The following SNTG1 variants were observed in gnomAD, a reference collection of about 807,000 sequenced individuals.
SNTG1 encodes the protein syntrophin gamma 1.
A neutral mutation model predicts 74.7 loss-of-function variants in SNTG1; 39 were observed. The observed-to-expected ratio is 0.52, with a 90% CI of 0.40 to 0.68. The LOEUF is 0.68. SNTG1 is among the 30% of genes least tolerant of loss of function. SNTG1 has a pLI of 0.00. For synonymous variants in SNTG1, 254 were observed against 217.1 expected (o/e 1.17, Z -1.49); for missense variants, 685 against 609.5 (o/e 1.12, Z -1.30).
intron 15 of SNTG1, among the ~76,000 whole-genome samples, chr8:50,675,038 T>C (rs2095303748): frequency 6.6e-6 from 1 of 152,126 alleles, no homozygotes; most frequent in Non-Finnish European, 1.5e-5. Context: ...GACTGTTTGT[T>C]ATGATTTCAG....
intron 1 of SNTG1, among the ~76,000 whole-genome samples, chr8:50,003,105 C>G (rs1431605436): frequency 6.6e-6 from 1 of 152,196 alleles, no homozygotes; most frequent in East Asian, 1.9e-4. Context: ...AGATAATAGG[C>G]AGTCATATCT....
chr8:50,316,425 T>A (rs2090321082), intron 2 of SNTG1, among the ~76,000 whole-genome samples: 2 of 152,216 alleles, frequency 1.3e-5, no homozygotes, highest in Admixed American at 6.5e-5. Flanking sequence ...GTGCCTTTAC[T>A]AATGTTACCA....
rs867933572 is a variant in SNTG1 at position 50,002,690 on chromosome 8, G to A, written c.-103+90459G>A. On this transcript the variant is annotated intron_variant, in intron 1 of 18. Transcript: ENST00000642720. ...TCCAAATCAGGTTGATATGAATGTT[G>A]CATAATAACAGAATAAAAGTTACCC... Among the ~76,000 whole-genome samples the A allele has an allele frequency of 1.4e-4, 21 of 152,132 alleles. No homozygotes were observed. In the Middle Eastern group the frequency reaches 0.01, roughly 74 times the overall value.
chr8:50,056,140 T>G lies in SNTG1; in HGVS notation c.-102-116421T>G, dbSNP rs957363906. Among the ~76,000 whole-genome samples the G allele has an allele frequency of 2.6e-5, 4 of 152,260 alleles. No individual in the cohort carries two copies. The East Asian group carries it at 7.8e-4, about 30-fold the overall frequency. On this transcript the variant is annotated intron_variant, in intron 1 of 18. Transcript: ENST00000642720. ...AAAACATGAATTTCTATCAGCCTCA[T>G]GACCTTCTTGTTTCCCCGGTACTCC...
chr8:50,204,280 G>A (rs1036604734), intron 2 of SNTG1, among the ~76,000 whole-genome samples: 1 of 152,052 alleles, frequency 6.6e-6, no homozygotes, highest in Non-Finnish European at 1.5e-5. Flanking sequence ...TGTACTAGAT[G>A]TATAGTACAT....
intron 4 of SNTG1, among the ~76,000 whole-genome samples, chr8:50,436,529 A>G (rs1046433096): frequency 2.0e-5 from 3 of 152,134 alleles, no homozygotes; most frequent in African/African-American, 7.2e-5. Flanking sequence ...AATTCTCAAG[A>G]CAAAGCTTTT....
intron 2 of SNTG1, among the ~76,000 whole-genome samples, chr8:50,254,948 CTTTTTTTT>C (rs4006072): frequency 2.3e-5 from 2 of 85,258 alleles, no homozygotes; most frequent in East Asian, 4.9e-4. Context: ...TTTATTGCCA[CTTTTTTTT>C]TTTTTTTTTT....
chr8:50,351,189 C>T (rs2091649200), intron 2 of SNTG1, among the ~76,000 whole-genome samples: 1 of 152,188 alleles, frequency 6.6e-6, no homozygotes, highest in Admixed American at 6.5e-5. Flanking sequence ...CTGATTTTGT[C>T]AGTTGTTCTC....
At chr8:50,351,177 T>C (rs985571910) in intron 2 of SNTG1, among the ~76,000 whole-genome samples, 1 of 152,210 alleles carries the variant, frequency 6.6e-6, no homozygotes, top group Non-Finnish European at 1.5e-5. Context: ...TGTGTTGCTC[T>C]TCTGATTTTG....
At chr8:50,082,592 T>G (rs1238030125) in intron 1 of SNTG1, among the ~76,000 whole-genome samples, 1 of 152,186 alleles carries the variant, frequency 6.6e-6, no homozygotes, top group Non-Finnish European at 1.5e-5. Context: ...AAGAATGTGC[T>G]CAAAGACTTT....
rs114323100 is a variant in SNTG1, at chr8:50,386,155, A to T, written c.-27-8057A>T. On this transcript the variant is annotated intron_variant, in intron 2 of 18. Coordinates refer to ENST00000642720, the MANE Select transcript of SNTG1 (RefSeq NM_018967.5). ...GATTCTGCTAGTTACTGAGCAAGTC[A>T]ATTCTAATTACACACTCAGAACCAG... 9.3e-3 allele frequency among the ~76,000 whole-genome samples: 1,422 copies of T among 152,230 alleles called. 27 individuals carry two copies. The highest frequency in any genetic ancestry group is 0.032 in the African/African-American group (1,348 of 41,514).
intron 1 of SNTG1, among the ~76,000 whole-genome samples, chr8:49,984,454 C>G (rs1358428790): frequency 1.3e-5 from 2 of 152,142 alleles, no homozygotes; most frequent in African/African-American, 4.8e-5. Context: ...ATCCGCCCAC[C>G]TCGGCCTCCC....
rs534620066 is a variant in SNTG1, at chr8:50,141,251, G to C, written c.-102-31310G>C. The stretch of plus-strand genomic sequence containing the variant: ...TAGTAAGTGCAGGATTGCTACATCA[G>C]ATGGTAAGTGCATGTTGAACTTCAT... On this transcript the variant is annotated intron_variant, in intron 1 of 18. Transcript: ENST00000642720. Among the ~76,000 whole-genome samples, 262 of 152,296 alleles carry C rather than the reference G, an allele frequency of 1.7e-3. 2 individuals are homozygous for C. The highest frequency in any genetic ancestry group is 5.9e-3 in the African/African-American group (246 of 41,582).
intron 15 of SNTG1, among the ~76,000 whole-genome samples, chr8:50,660,411 AAAGAAAGAAAGAAAG>A (rs1401805723): frequency 0.012 from 36 of 2,982 alleles, no homozygotes; most frequent in African/African-American, 0.036. Flanking sequence ...GAAAGAAAGA[AAAGAAAGAAAGAAAG>A]AAGAAAGAAA....
At chr8:50,202,686 T>G (rs996964162) in intron 2 of SNTG1, among the ~76,000 whole-genome samples, 1 of 152,258 alleles carries the variant, frequency 6.6e-6, no homozygotes, top group South Asian at 2.1e-4. Flanking sequence ...GAAATAAGTT[T>G]TCATTTAATT....
At chr8:50,554,434 A>G (rs2094444196) in intron 12 of SNTG1, among the ~76,000 whole-genome samples, 5 of 151,182 alleles carry the variant, frequency 3.3e-5, no homozygotes, top group Admixed American at 3.3e-4. Context: ...TTTGGTTGAT[A>G]CATGTGGAAA....
At chr8:50,245,713 CA>C (rs1197610991) in intron 2 of SNTG1, among the ~76,000 whole-genome samples, 2 of 151,780 alleles carry the variant, frequency 1.3e-5, no homozygotes, top group Non-Finnish European at 2.9e-5. Flanking sequence ...GAAAACAAAA[CA>C]AAAAAAGGAT....
chr8:49,938,758 T>C (rs1808412120), intron 1 of SNTG1, among the ~76,000 whole-genome samples: 1 of 151,192 alleles, frequency 6.6e-6, no homozygotes, highest in African/African-American at 2.4e-5. Context: ...CCTATGAAAA[T>C]ATAAATTTAA....
intron 2 of SNTG1, among the ~76,000 whole-genome samples, chr8:50,366,689 A>G (rs1373419982): frequency 2.0e-5 from 3 of 146,710 alleles, no homozygotes; most frequent in African/African-American, 4.9e-5. Context: ...TATTTTATAT[A>G]TATTTTATAT....
Sources: gnomAD v4.1 joint callset for allele counts (sites outside exome capture counted in the v4.1 genomes callset) on GRCh38, gnomAD v4.1.1 for gene constraint, MANE v1.5 for transcripts, NCBI Gene and HGNC (gene_info 2026-07-23, HGNC 2026-07-21) for gene names.